MYRF: variants seen among roughly 807,000 people sequenced by gnomAD.
MYRF encodes the protein myelin regulatory factor.
A neutral mutation model predicts 126.3 loss-of-function variants in MYRF; 16 were observed. The ratio of observed to expected loss-of-function variants is 0.13; its 90% CI spans 0.09 to 0.19. The LOEUF (loss-of-function observed/expected upper bound fraction) is 0.19, where lower values mean the gene tolerates loss of function less well. MYRF is among the 10% of genes least tolerant of loss of function. The pLI, the probability that MYRF is intolerant of heterozygous loss-of-function variation, is 1.00. For missense variants in MYRF, 1,104 were observed against 1,547.0 expected, an observed-to-expected ratio of 0.71 and a Z score of 4.80; for synonymous variants, 608 against 635.3, an observed-to-expected ratio of 0.96 and a Z score of 0.65.
chr11:61,758,572 G>C lies in MYRF; in HGVS notation c.46+5782G>C, dbSNP rs77281544. On this transcript the variant is annotated intron_variant, in intron 1 of 26. Coordinates refer to ENST00000278836, the MANE Select transcript of MYRF (RefSeq NM_001127392.3). ...CATGCATGTGACGCTGTGCCTGTGG[G>C]CCTGGGCCTGTCGTCGGGTCAGTGA... Among the ~76,000 whole-genome samples the C allele has an allele frequency of 5.4e-3, 820 of 152,300 alleles. 3 individuals are homozygous for C. The highest frequency in any genetic ancestry group is 0.019 in the African/African-American group (784 of 41,550).
At chr11:61,780,416 G>A in intron 18 of MYRF, 126 bp downstream of exon 18, 1 of 855,026 alleles carries the variant, frequency 1.2e-6, no homozygotes, top group Non-Finnish European at 1.8e-6. Context: ...GCCTGCTGGG[G>A]TGCTGTGGGG....
At chr11:61,781,466 G>C (rs2066544993) in intron 21 of MYRF, 107 bp from the exon 22 acceptor site, 1 of 1,540,822 alleles carries the variant, frequency 6.5e-7, no homozygotes, top group African/African-American at 1.4e-5. Flanking sequence ...CCCCTGAGAG[G>C]ACCAAGAGAC....
Position 61,778,618 on chromosome 11 carries a change from C to A in MYRF, c.2013+129C>A. 2.8e-6 allele frequency: 2 copies of A among 716,802 alleles called. No individual in the cohort carries two copies. Among genetic ancestry groups the A allele is most frequent in the Non-Finnish European group, 5.0e-6 (2 of 398,880 alleles). 44.4% of individuals were successfully genotyped at this position (716,802 alleles called of 1,614,324 possible). A position where few individuals can be genotyped will look rare whatever the true frequency, so the allele number is the denominator to read the frequency against. On this transcript the variant is annotated intron_variant, in intron 14 of 26. Coordinates refer to ENST00000278836, the MANE Select transcript of MYRF (RefSeq NM_001127392.3). This position sits in a 1 kb window ranked among gnomAD's most constrained non-coding sequence, Gnocchi z 4.6. ...AGGAGCACCCTCGGCTCTCATGCTGCCTCCAGAGCGCCCTCTGCACCCCAC... is the reference window on the plus strand; with the variant it reads ...AGGAGCACCCTCGGCTCTCATGCTGACTCCAGAGCGCCCTCTGCACCCCAC...
Position 61,770,388 on chromosome 11 carries a change from G to A in MYRF, c.603G>A (p.Leu201=), listed in dbSNP as rs1416681897. The change falls in exon 5 of 27, where the codon CTG becomes CTA. Residue 201 remains leucine, a synonymous_variant. Coordinates refer to ENST00000278836, the MANE Select transcript of MYRF (RefSeq NM_001127392.3). ...CACCCCCACCTCACTACCCTGTCCT[G>A]CAGCGGGATCTGTACATGAAGGCCG... ...PPPPPPHYPV[L]QRDLYMKAEP... 1 of 1,533,836 alleles carries A rather than the reference G, an allele frequency of 6.5e-7. No homozygotes were observed. The highest frequency in any genetic ancestry group is 8.8e-7 in the Non-Finnish European group (1 of 1,136,242).
In MYRF at chr11:61,757,766, G is replaced by A; in HGVS notation, c.46+4976G>A. On this transcript the variant is annotated intron_variant, in intron 1 of 26. Transcript: ENST00000278836. The surrounding 1 kb of genome is among the most constrained non-coding windows in gnomAD (Gnocchi z 4.7). Reference sequence around the variant, plus strand: ...GCACGTTGTCTTCCTGGAGTCCTGGGGTGCAGTGGAAGCGTGGGTGACGGC... The same window carrying A: ...GCACGTTGTCTTCCTGGAGTCCTGGAGTGCAGTGGAAGCGTGGGTGACGGC... The A allele has an allele frequency of 2.9e-6, 1 of 344,652 alleles. No homozygotes were observed. 21.3% of individuals were successfully genotyped at this position (344,652 alleles called of 1,614,324 possible).
In MYRF at chr11:61,785,893, C is replaced by G. The variant is rs1308591185; in HGVS notation, c.3375+19C>G. 1 of 1,612,934 alleles carries G rather than the reference C, an allele frequency of 6.2e-7. No homozygotes were observed. Among genetic ancestry groups the G allele is most frequent in the Non-Finnish European group, 8.5e-7 (1 of 1,178,874 alleles). On this transcript the variant is annotated intron_variant, in intron 26 of 26. Coordinates refer to ENST00000278836, the MANE Select transcript of MYRF (RefSeq NM_001127392.3). ...ACTGCTGGTGAGCAGGGGCATCCCACCTACCCTGGAGGTCTGGGCACCCCT... is the reference window on the plus strand; with the variant it reads ...ACTGCTGGTGAGCAGGGGCATCCCAGCTACCCTGGAGGTCTGGGCACCCCT...
In MYRF at chr11:61,783,348, G is replaced by C; in HGVS notation, c.3017-150G>C. 3.0e-6 allele frequency: 2 copies of C among 674,324 alleles called. No individual in the cohort carries two copies. The highest frequency in any genetic ancestry group is 1.6e-5 in the South Asian group (1 of 61,788). 41.8% of individuals were successfully genotyped at this position (674,324 alleles called of 1,614,324 possible). Reference sequence around the variant, plus strand: ...CTAGGGCTGCTGAGGAAAGGGTGTAGTGTGATGCTGGCCATTGTGGAGGTC... The same window carrying C: ...CTAGGGCTGCTGAGGAAAGGGTGTACTGTGATGCTGGCCATTGTGGAGGTC... On this transcript the variant is annotated intron_variant, in intron 22 of 26. Transcript: ENST00000278836. This position sits in a 1 kb window ranked among gnomAD's most constrained non-coding sequence, Gnocchi z 4.6.
At chr11:61,763,367 G>C (rs1010393008) in intron 1 of MYRF, among the ~76,000 whole-genome samples, 1 of 152,220 alleles carries the variant, frequency 6.6e-6, no homozygotes, top group Non-Finnish European at 1.5e-5. Flanking sequence ...TCCCTGGCCT[G>C]GTAGGCAGTC....
At position 61,766,654 on chromosome 11, in the gene MYRF, T is replaced by G. The variant is rs567396708; in HGVS notation, c.398+433T>G. The G allele has an allele frequency of 4.6e-5, 11 of 240,238 alleles. No individual in the cohort carries two copies. The East Asian group carries it at 1.1e-3, about 24-fold the overall frequency. 14.9% of individuals were successfully genotyped at this position (240,238 alleles called of 1,614,324 possible). On this transcript the variant is annotated intron_variant, in intron 3 of 26. Transcript: ENST00000278836. ...CCATGGCTCAGATGTGGCACCTCAG[T>G]TCCCCCCTACCCAAGCAAGCCTCAT...
intron 1 of MYRF, among the ~76,000 whole-genome samples, 169 bp downstream of exon 1, chr11:61,752,959 C>A (rs1252980343): frequency 2.0e-5 from 3 of 152,088 alleles, no homozygotes; most frequent in Admixed American, 6.5e-5. Flanking sequence ...AGTCCCCCAG[C>A]GGTTACCACC....
At chr11:61,763,064 C>T (rs2065944474) in intron 1 of MYRF, among the ~76,000 whole-genome samples, 2 of 152,168 alleles carry the variant, frequency 1.3e-5, no homozygotes, top group South Asian at 4.1e-4. Context: ...TAAATAGCAA[C>T]ACCATGACTG....
intron 7 of MYRF, among the ~76,000 whole-genome samples, chr11:61,773,659 C>A (rs992285158): frequency 6.6e-6 from 1 of 152,168 alleles, no homozygotes; most frequent in Admixed American, 6.5e-5. Context: ...AGCCCTCCCC[C>A]ACTCAGGAGT....
chr11:61,776,708 C>T lies in MYRF; in HGVS notation c.1500-79C>T. 8.7e-7 allele frequency: 1 copy of T among 1,149,790 alleles called. No homozygotes were observed. 71.2% of individuals were successfully genotyped at this position (1,149,790 alleles called of 1,614,324 possible). Reference sequence around the variant, plus strand: ...CCTCTGTAGGAGGGGGTGAGATGAACATGCATCTGGCCAGGGAAAGGGTGG... The same window carrying T: ...CCTCTGTAGGAGGGGGTGAGATGAATATGCATCTGGCCAGGGAAAGGGTGG... On this transcript the variant is annotated intron_variant, in intron 10 of 26. Transcript: ENST00000278836. The surrounding 1 kb of genome is among the most constrained non-coding windows in gnomAD (Gnocchi z 4.3).
chr11:61,766,264 C>T (rs1330522198), intron 3 of MYRF, 43 bp downstream of exon 3: 2 of 1,550,822 alleles, frequency 1.3e-6, no homozygotes, highest in Non-Finnish European at 1.7e-6. Context: ...GGCATAGGGG[C>T]AGGCAGGGAG....
At position 61,773,994 on chromosome 11, in the gene MYRF, G is replaced by A. The variant is rs754764568; in HGVS notation, c.1143G>A (p.Ala381=). The A allele has an allele frequency of 1.8e-5, 29 of 1,612,794 alleles. No individual in the cohort carries two copies. The highest frequency in any genetic ancestry group is 4.0e-5 in the African/African-American group (3 of 74,892). The change falls in exon 8 of 27, where the codon GCG becomes GCA. Residue 381 remains alanine, a synonymous_variant. Transcript: ENST00000278836. ...ELPMLTYRVD[A]DKGFNFSVGD... ...CCATGCTCACCTACCGCGTGGATGC[G>A]GACAAGGGCTTCAACTTTTCGGTGG... is the stretch of plus-strand genomic sequence containing the variant.
intron 18 of MYRF, 137 bp downstream of exon 18, chr11:61,780,427 A>G (rs2066511742): frequency 2.5e-6 from 2 of 801,314 alleles, no homozygotes; most frequent in African/African-American, 3.5e-5. Flanking sequence ...TGCTGTGGGG[A>G]TCCAGGGAGG....
chr11:61,765,957 G>T lies in MYRF; in HGVS notation c.135-1G>T. 1.3e-6 allele frequency: 2 copies of T among 1,503,912 alleles called. No individual in the cohort carries two copies. The highest frequency in any genetic ancestry group is 1.3e-5 in the South Asian group (1 of 76,718). 93.2% of individuals were successfully genotyped at this position (1,503,912 alleles called of 1,614,324 possible). ...AGCTGAGCCGCCCCCCTTCCCCGCA[G>T]CTGCTTCCCTGACATCTCTGCTCCA... On this transcript the variant is annotated splice_acceptor_variant, in intron 2 of 26. Coordinates refer to ENST00000278836, the MANE Select transcript of MYRF (RefSeq NM_001127392.3). LOFTEE classifies it high-confidence loss of function.
At chr11:61,767,509 G>C (rs2066097983) in intron 3 of MYRF, 2 of 448,622 alleles carry the variant, frequency 4.5e-6, no homozygotes, top group African/African-American at 4.0e-5. Context: ...CCCAGGGCCA[G>C]ACCTGAGTCT....
intron 5 of MYRF, 21 bp downstream of exon 5, chr11:61,770,546 T>C: frequency 6.5e-7 from 1 of 1,529,710 alleles, no homozygotes; most frequent in Non-Finnish European, 8.8e-7. Flanking sequence ...GGTGGCTGGC[T>C]CCATGGGGTG....
Sources: allele counts gnomAD v4.1 joint callset (sites outside exome capture counted in the v4.1 genomes callset), GRCh38; gene constraint gnomAD v4.1.1; non-coding constraint Gnocchi (gnomAD v3.1); transcripts MANE v1.5; gene names NCBI Gene and HGNC (gene_info 2026-07-23, HGNC 2026-07-21).